DOCK8: variants seen among roughly 807,000 people sequenced by gnomAD.
DOCK8 encodes dedicator of cytokinesis protein 8.
DOCK8 carries 141 observed loss-of-function variants against 245.6 expected under a neutral mutation model. The ratio of observed to expected loss-of-function variants is 0.57; its 90% CI spans 0.50 to 0.66. DOCK8 has a LOEUF of 0.66. Ranked by LOEUF, DOCK8 falls within the 30% of genes least tolerant of loss-of-function variation. The pLI is 0.00. For missense variants in DOCK8, 2,965 were observed against 2,603.4 expected (o/e 1.14, Z -3.02); for synonymous variants, 1,168 against 970.2 (o/e 1.20, Z -3.79).
chr9:289,069 A>G (rs1305649179), intron 3 of DOCK8, among the ~76,000 whole-genome samples: 1 of 152,256 alleles, frequency 6.6e-6, no homozygotes, highest in East Asian at 1.9e-4. Context: ...TCATCAAAGC[A>G]TAAGACAACT....
At chr9:265,642 T>C (rs1031691481) in intron 1 of DOCK8, among the ~76,000 whole-genome samples, 5 of 152,178 alleles carry the variant, frequency 3.3e-5, no homozygotes, top group Non-Finnish European at 7.3e-5. Flanking sequence ...AGTTTTAAAA[T>C]CCATCCAGCC....
Position 439,404 on chromosome 9 carries a change from G to GCATCCCGGGGCCTGGCCTCCCATACTC in DOCK8, c.5223+19_5223+45dup, listed in dbSNP as rs1177545401. The GCATCCCGGGGCCTGGCCTCCCATACTC allele has an allele frequency of 1.2e-6, 2 of 1,611,284 alleles. No homozygotes were observed. The highest frequency in any genetic ancestry group is 4.5e-5 in the East Asian group (2 of 44,876). On this transcript the variant is annotated intron_variant, in intron 40 of 47. Transcript: ENST00000432829. ...CTTCAGCACGGTCAGTGCCCAGAGGGCATCCCGGGGCCTGGCCTCCCATAC... is the reference window on the plus strand; with the variant it reads ...CTTCAGCACGGTCAGTGCCCAGAGGGCATCCCGGGGCCTGGCCTCCCATACTCCATCCCGGGGCCTGGCCTCCCATAC...
intron 36 of DOCK8, among the ~76,000 whole-genome samples, chr9:430,492 G>A (rs1408588919): frequency 6.6e-6 from 1 of 152,020 alleles, no homozygotes; most frequent in Admixed American, 6.6e-5. Flanking sequence ...GACTAGCCTG[G>A]CCAACATGGT....
chr9:461,591 G>C (rs999358895), intron 46 of DOCK8, among the ~76,000 whole-genome samples: 1 of 140,724 alleles, frequency 7.1e-6, no homozygotes. Flanking sequence ...ACCCAGGCTG[G>C]AGTGCAGTGG....
intron 27 of DOCK8, 36 bp downstream of exon 27, chr9:405,109 A>T (rs1041011005): frequency 6.3e-7 from 1 of 1,585,254 alleles, no homozygotes; most frequent in African/African-American, 1.4e-5. Context: ...AGAATTATTC[A>T]AGCTATTTCA....
chr9:325,004 C>T (rs1308641577), intron 7 of DOCK8, among the ~76,000 whole-genome samples: 1 of 152,084 alleles, frequency 6.6e-6, no homozygotes, highest in Non-Finnish European at 1.5e-5. Flanking sequence ...TCTCCAAGGT[C>T]CATTATACCA....
chr9:426,578 G>C (rs1372147765), intron 33 of DOCK8, among the ~76,000 whole-genome samples: 1 of 152,174 alleles, frequency 6.6e-6, no homozygotes, highest in Non-Finnish European at 1.5e-5. Flanking sequence ...TCTGAGAGGG[G>C]AGCTTAATTG....
intron 5 of DOCK8, among the ~76,000 whole-genome samples, chr9:309,115 C>T (rs560000512): frequency 1.3e-5 from 2 of 152,250 alleles, no homozygotes; most frequent in African/African-American, 4.8e-5. Context: ...GCACACTTGC[C>T]AGTTATACCC....
In DOCK8 at chr9:261,564, G is replaced by A. The variant is rs1369151395; in HGVS notation, c.54-10063G>A. 5.3e-5 allele frequency among the ~76,000 whole-genome samples: 8 copies of A among 152,188 alleles called. No homozygotes were observed. The East Asian group carries it at 7.7e-4, about 15-fold the overall frequency. ...ATATGTAAATGTTTAATGTGTGCAAGAAGAATGTGTACTCTGAAGTTAGGC... is the reference window on the plus strand; with the variant it reads ...ATATGTAAATGTTTAATGTGTGCAAAAAGAATGTGTACTCTGAAGTTAGGC... On this transcript the variant is annotated intron_variant, in intron 1 of 47. Coordinates refer to ENST00000432829, the MANE Select transcript of DOCK8 (RefSeq NM_203447.4).
intron 1 of DOCK8, among the ~76,000 whole-genome samples, chr9:233,542 G>T (rs1365981057): frequency 1.3e-5 from 2 of 151,486 alleles, no homozygotes; most frequent in East Asian, 3.9e-4. Context: ...AAGTCTCTTT[G>T]TAGGTCACTA....
At position 377,154 on chromosome 9, in the gene DOCK8, G is replaced by C. The variant is rs369449324; in HGVS notation, c.2383G>C (p.Val795Leu). 1.0e-4 allele frequency: 166 copies of C among 1,606,232 alleles called. No individual in the cohort carries two copies. The East Asian group carries it at 2.4e-3, about 23-fold the overall frequency. The change falls in exon 20 of 48, where the codon GTG (valine) becomes CTG (leucine). Residue 795 changes from valine to leucine, a missense_variant. Physicochemically the swap from Val to Leu is conservative, Grantham distance 32. This residue lies in a region of DOCK8 where 2,825 missense variants were observed against 2,453.5 expected (regional missense o/e 1.15). Transcript: ENST00000432829. ...LEPLVLFLHL[V>L]LDKLFQLSVQ... ...GCCGCTCGTGCTCTTCCTGCACCTG[G>C]TGCTGGACAAGCTCTTCCAGCTGTC... is the stretch of plus-strand genomic sequence containing the variant.
chr9:340,021 G>T, intron 13 of DOCK8, 138 bp from the exon 14 acceptor site: 1 of 868,950 alleles, frequency 1.2e-6, no homozygotes, highest in Non-Finnish European at 1.8e-6. Flanking sequence ...CAAGCTGTAG[G>T]AAATTAGCTC....
Position 336,652 on chromosome 9 carries a change from G to A in DOCK8, c.1356G>A (p.Leu452=), listed in dbSNP as rs113175936. ...SRRLSERALS[L]EENGVGSNFK... ...GGCTTTCTGAAAGAGCCCTCTCCTT[G>A]GAGGAAAATGGGGTTGGATCCAACT... Residue 452 remains leucine (L), a synonymous_variant, in exon 12 of 48, where the codon TTG becomes TTA. Transcript: ENST00000432829. 5.0e-4 allele frequency: 801 copies of A among 1,614,166 alleles called. 5 individuals carry two copies. The African/African-American group carries it at 9.5e-3, about 19-fold the overall frequency.
intron 14 of DOCK8, among the ~76,000 whole-genome samples, chr9:346,411 C>A (rs927904054): frequency 6.6e-6 from 1 of 152,096 alleles, no homozygotes; most frequent in African/African-American, 2.4e-5. Flanking sequence ...CTGCGGCCGC[C>A]AGAGGGGTAT....
At position 379,351 on chromosome 9, in the gene DOCK8, T is replaced by A. The variant is rs531093499; in HGVS notation, c.2441-420T>A. Among the ~76,000 whole-genome samples, 7 of 152,244 alleles carry A rather than the reference T, an allele frequency of 4.6e-5. No individual in the cohort carries two copies. In the East Asian group the frequency reaches 1.4e-3, roughly 29 times the overall value. ...AATCATAGTGTCCACAACAGTCACG[T>A]GAGCATCTTGTAAAGATGCAGAACC... On this transcript the variant is annotated intron_variant, in intron 20 of 47. Transcript: ENST00000432829.
chr9:263,656 T>C (rs1280434335), intron 1 of DOCK8, among the ~76,000 whole-genome samples: 1 of 152,224 alleles, frequency 6.6e-6, no homozygotes, highest in Non-Finnish European at 1.5e-5. Flanking sequence ...ATAAATTCTC[T>C]CCATTTTTGT....
chr9:395,981 T>A (rs962034587), intron 24 of DOCK8, among the ~76,000 whole-genome samples: 1 of 152,128 alleles, frequency 6.6e-6, no homozygotes. Flanking sequence ...ATACACCAGT[T>A]TGTGTCAATT....
intron 1 of DOCK8, among the ~76,000 whole-genome samples, chr9:248,633 C>G (rs1197740173): frequency 6.6e-6 from 1 of 150,464 alleles, no homozygotes; most frequent in African/African-American, 2.5e-5. Flanking sequence ...TTCTATCTTT[C>G]TTACTTTTGA....
intron 1 of DOCK8, among the ~76,000 whole-genome samples, chr9:270,920 G>A (rs2048146907): frequency 6.6e-6 from 1 of 152,174 alleles, no homozygotes; most frequent in Non-Finnish European, 1.5e-5. Flanking sequence ...ACAGATAAGT[G>A]CTCAGAAGTC....
Sources: allele counts gnomAD v4.1 joint callset (sites outside exome capture counted in the v4.1 genomes callset), GRCh38; gene constraint gnomAD v4.1.1; regional missense constraint gnomAD v4.1.1; transcripts MANE v1.5; gene names NCBI Gene and HGNC (gene_info 2026-07-23, HGNC 2026-07-21).